The following PIK3C3 variants were observed in gnomAD, a reference collection of about 807,000 sequenced individuals.
PIK3C3 encodes PI3-kinase type 3.
A neutral mutation model predicts 126.1 loss-of-function variants in PIK3C3; 95 were observed. The observed-to-expected ratio is 0.75, with a 90% CI of 0.64 to 0.89. PIK3C3 has a LOEUF of 0.89. Ranked by LOEUF, PIK3C3 falls within the 40% of genes least tolerant of loss-of-function variation. PIK3C3 has a pLI of 0.00. For synonymous variants in PIK3C3, 374 were observed against 360.0 expected (o/e 1.04, Z -0.44); for missense variants, 829 against 1,063.2 (o/e 0.78, Z 3.06).
At chr18:42,033,533 G>T (rs1404327105) in intron 15 of PIK3C3, among the ~76,000 whole-genome samples, 1 of 152,160 alleles carries the variant, frequency 6.6e-6, no homozygotes, top group Non-Finnish European at 1.5e-5. Flanking sequence ...GGTCCAACTT[G>T]AATAAATTCC....
At chr18:41,991,944 C>T (rs142480137) in intron 6 of PIK3C3, among the ~76,000 whole-genome samples, 44 of 152,196 alleles carry the variant, frequency 2.9e-4, no homozygotes, top group African/African-American at 1.0e-3. Context: ...TATGTCATTT[C>T]ATTAAAGGCA....
rs755657249 is a variant in PIK3C3, at chr18:42,038,843, A to G, written c.2031A>G (p.Thr677=). 3.8e-6 allele frequency: 6 copies of G among 1,580,948 alleles called. No homozygotes were observed. The highest frequency in any genetic ancestry group is 5.2e-6 in the Non-Finnish European group (6 of 1,152,116). The part of the protein sequence containing the change: ...LTPYKVLATS[T]KHGFMQFIQS... ...CTTATAAGGTGTTAGCCACCAGTAC[A>G]AAACATGGTAAGTGTATTTTACATC... The change falls in exon 18 of 25, where the codon ACA becomes ACG. Residue 677 remains threonine, a synonymous_variant. Transcript: ENST00000262039.
At chr18:41,962,056 TG>T (rs1311872962) in intron 2 of PIK3C3, among the ~76,000 whole-genome samples, 3 of 152,312 alleles carry the variant, frequency 2.0e-5, no homozygotes, top group South Asian at 4.1e-4. Flanking sequence ...TTGTTTTGAT[TG>T]TTTTTTTTCC....
chr18:42,012,544 A>AT (rs1406081445), intron 10 of PIK3C3, among the ~76,000 whole-genome samples: 2 of 152,180 alleles, frequency 1.3e-5, no homozygotes, highest in African/African-American at 4.8e-5. Context: ...GAGCTTTGCA[A>AT]TTTTCTTCAC....
At chr18:42,047,908 G>T (rs528535925) in intron 20 of PIK3C3, among the ~76,000 whole-genome samples, 4 of 152,278 alleles carry the variant, frequency 2.6e-5, no homozygotes, top group African/African-American at 9.6e-5. Flanking sequence ...CTAAAGCTTT[G>T]CAGATAGTAA....
intron 4 of PIK3C3, among the ~76,000 whole-genome samples, chr18:41,982,647 T>C (rs1981264417): frequency 6.6e-6 from 1 of 152,206 alleles, no homozygotes; most frequent in Non-Finnish European, 1.5e-5. Context: ...TCTTCTACAG[T>C]GGTAGAATAT....
chr18:41,993,832 T>G (rs1981898174), intron 7 of PIK3C3, among the ~76,000 whole-genome samples: 1 of 152,102 alleles, frequency 6.6e-6, no homozygotes, highest in Non-Finnish European at 1.5e-5. Flanking sequence ...TGGATGATGG[T>G]GGGATACCTT....
intron 12 of PIK3C3, among the ~76,000 whole-genome samples, chr18:42,019,465 T>G (rs1428070927): frequency 6.6e-6 from 1 of 152,180 alleles, no homozygotes; most frequent in Non-Finnish European, 1.5e-5. Flanking sequence ...CTTTTCAGCT[T>G]CTTCAGAGTA....
In PIK3C3 at chr18:42,013,575, T is replaced by A; in HGVS notation, c.1304T>A (p.Ile435Lys). 6.2e-7 allele frequency: 1 copy of A among 1,603,738 alleles called. No homozygotes were observed. The highest frequency in any genetic ancestry group is 8.5e-7 in the Non-Finnish European group (1 of 1,174,354). ...SVSENVSNSG[I>K]NSAEIDSSQI... ...TCAGAAAATGTGTCAAATTCTGGAA[T>A]AAATTCTGCAGAAATAGATAGGTAT... Residue 435 changes from isoleucine (I) to lysine (K), a missense_variant, in exon 11 of 25, where the codon ATA (isoleucine) becomes AAA (lysine). Physicochemically the swap from Ile to Lys is moderately radical, Grantham distance 102. Around this residue, in one of 4 missense-constraint regions of PIK3C3, gnomAD observed 256 missense variants for 291.0 expected, o/e 0.88. Coordinates refer to ENST00000262039, the MANE Select transcript of PIK3C3 (RefSeq NM_002647.4).
At chr18:41,971,771 ATT>A (rs1291447908) in intron 4 of PIK3C3, among the ~76,000 whole-genome samples, 3 of 152,022 alleles carry the variant, frequency 2.0e-5, no homozygotes, top group Non-Finnish European at 4.4e-5. Flanking sequence ...AAAGAATAAT[ATT>A]TTTAAAAAAG....
chr18:42,005,531 A>G (rs534886145), intron 10 of PIK3C3, among the ~76,000 whole-genome samples: 1 of 152,272 alleles, frequency 6.6e-6, no homozygotes, highest in South Asian at 2.1e-4. Context: ...TAATCCAGCA[A>G]CTTGTTTTCT....
At chr18:41,965,791 C>T (rs1980331873) in intron 3 of PIK3C3, among the ~76,000 whole-genome samples, 1 of 152,168 alleles carries the variant, frequency 6.6e-6, no homozygotes, top group African/African-American at 2.4e-5. Flanking sequence ...TCCTTTACCT[C>T]CCATCCAAAC....
chr18:42,079,998 AGTGTGTGTGTGTGTGT>A (rs71174081), intron 24 of PIK3C3, among the ~76,000 whole-genome samples: 2 of 137,348 alleles, frequency 1.5e-5, no homozygotes, highest in East Asian at 4.2e-4. Context: ...TAAGAGAGAG[AGTGTGTGTGTGTGTGT>A]GTGTGTGTGT....
chr18:42,056,867 A>G (rs1430700575), intron 21 of PIK3C3, among the ~76,000 whole-genome samples: 1 of 152,094 alleles, frequency 6.6e-6, no homozygotes, highest in Non-Finnish European at 1.5e-5. Context: ...AAGTTGTCAA[A>G]TTCACTTTTG....
chr18:41,955,569 G>A (rs1979727329), intron 1 of PIK3C3: 1 of 509,528 alleles, frequency 2.0e-6, no homozygotes, highest in Admixed American at 3.8e-5. Context: ...GTCTCCGTGA[G>A]AAGCACAGCA....
rs1336127584 is a variant in PIK3C3, at chr18:42,087,589, A to T, written c.*6452A>T. ...TGCTCTTTGTTAGCAAATGATTTGG[A>T]GCTTCTTTTCATTAAAGAAAAAAGC... On this transcript the variant is annotated 3_prime_UTR_variant, in exon 25 of 25. Transcript: ENST00000262039. The T allele has an allele frequency of 6.6e-6, 1 of 152,152 alleles. No homozygotes were observed. Among genetic ancestry groups the T allele is most frequent in the East Asian group, 1.9e-4 (1 of 5,180 alleles). 9.4% of individuals were successfully genotyped at this position (152,152 alleles called of 1,614,324 possible). A position where few individuals can be genotyped will look rare whatever the true frequency, so the allele number is the denominator to read the frequency against.
chr18:42,038,777 A>G lies in PIK3C3; in HGVS notation c.1969-4A>G. ...GTTAATATATTTTACCTTTTGATTA[A>G]AAGCTGTTACGGAAAGAAAATCTGG... On this transcript the variant is annotated splice_region_variant and splice_polypyrimidine_tract_variant and intron_variant, in intron 17 of 24. Transcript: ENST00000262039. 1 of 1,591,298 alleles carries G rather than the reference A, an allele frequency of 6.3e-7. No individual in the cohort carries two copies. Among genetic ancestry groups the G allele is most frequent in the Non-Finnish European group, 8.6e-7 (1 of 1,160,326 alleles).
chr18:42,060,929 C>G (rs944206642), intron 22 of PIK3C3, among the ~76,000 whole-genome samples: 2 of 152,294 alleles, frequency 1.3e-5, no homozygotes, highest in South Asian at 4.1e-4. Context: ...AAGTAGTACA[C>G]TTATTGAATA....
Position 41,987,842 on chromosome 18 carries a change from G to A in PIK3C3, c.562G>A (p.Val188Met). Residue 188 changes from valine to methionine, a missense_variant, in exon 5 of 25, where the codon GTG becomes ATG. Val to Met is a conservative substitution (Grantham distance 21, BLOSUM62 1). Coordinates refer to ENST00000262039, the MANE Select transcript of PIK3C3 (RefSeq NM_002647.4). ...CAAAGCTCATCGACAAGGACACATG[G>A]TGAAAGTAGATTGGCTGGATAGATT... is the stretch of plus-strand genomic sequence containing the variant. ...LTKAHRQGHM[V>M]KVDWLDRLTF... The A allele has an allele frequency of 3.7e-6, 6 of 1,608,356 alleles. No homozygotes were observed. Among genetic ancestry groups the A allele is most frequent in the Non-Finnish European group, 5.1e-6 (6 of 1,176,818 alleles).
Sources: allele counts gnomAD v4.1 joint callset (sites outside exome capture counted in the v4.1 genomes callset), GRCh38; gene constraint gnomAD v4.1.1; regional missense constraint gnomAD v4.1.1; transcripts MANE v1.5; gene names NCBI Gene and HGNC (gene_info 2026-07-23, HGNC 2026-07-21).